BMPR2: variants seen among roughly 807,000 people sequenced by gnomAD.
BMPR2 encodes the protein bone morphogenetic protein receptor type-2.
BMPR2 carries 29 observed loss-of-function variants against 100.8 expected under a neutral mutation model. The ratio of observed to expected loss-of-function variants is 0.29; its 90% CI spans 0.21 to 0.39. BMPR2 has a LOEUF of 0.39. BMPR2 is among the 10% of genes least tolerant of loss of function. BMPR2 has a pLI of 1.00. For synonymous variants in BMPR2, 382 were observed against 442.3 expected, an observed-to-expected ratio of 0.86 and a Z score of 1.71; for missense variants, 1,011 against 1,274.5, an observed-to-expected ratio of 0.79 and a Z score of 3.15.
chr2:202,468,457 C>T (rs865918875), intron 3 of BMPR2, among the ~76,000 whole-genome samples: 1 of 152,102 alleles, frequency 6.6e-6, no homozygotes, highest in Non-Finnish European at 1.5e-5. Context: ...GGTGACACAG[C>T]GAGACTCTGT....
At chr2:202,463,991 C>G (rs1057002853) in intron 1 of BMPR2, among the ~76,000 whole-genome samples, 13 of 151,862 alleles carry the variant, frequency 8.6e-5, no homozygotes, top group African/African-American at 2.9e-4. Flanking sequence ...GAAACCCCAT[C>G]TCTACTAAAA....
intron 3 of BMPR2, chr2:202,474,707 G>C (rs1692506791): frequency 6.6e-6 from 1 of 152,172 alleles, no homozygotes; most frequent in African/African-American, 2.4e-5. Context: ...ATTTTTAATA[G>C]AGACGGGGTT....
chr2:202,527,477 A>G (rs945653763), intron 7 of BMPR2, among the ~76,000 whole-genome samples: 2 of 150,328 alleles, frequency 1.3e-5, no homozygotes, highest in African/African-American at 4.9e-5. Context: ...CGACGGAGCA[A>G]GACTCCATCT....
At chr2:202,539,223 C>T (rs149271645) in intron 9 of BMPR2, among the ~76,000 whole-genome samples, 1 of 152,090 alleles carries the variant, frequency 6.6e-6, no homozygotes, top group Non-Finnish European at 1.5e-5. Context: ...TAAAAAACCA[C>T]ACCAAGATTG....
At chr2:202,540,282 G>T (rs185075295) in intron 9 of BMPR2, among the ~76,000 whole-genome samples, 3 of 152,254 alleles carry the variant, frequency 2.0e-5, no homozygotes, top group Non-Finnish European at 4.4e-5. Flanking sequence ...TATGTGTTGT[G>T]TGTATGTCTC....
Position 202,551,540 on chromosome 2 carries a change from C to T in BMPR2, c.1414-1176C>T, listed in dbSNP as rs1361300950. On this transcript the variant is annotated intron_variant, in intron 10 of 12. Transcript: ENST00000374580. ...CTCTATCTCAAAACAAACAAACAAA[C>T]AAAAAACTAGCTTTCCCCCAAAGGG... 2.0e-5 allele frequency among the ~76,000 whole-genome samples: 3 copies of T among 149,242 alleles called. No individual in the cohort carries two copies. In the East Asian group the frequency reaches 5.8e-4, roughly 29 times the overall value.
intron 3 of BMPR2, among the ~76,000 whole-genome samples, chr2:202,479,185 G>T (rs1157434739): frequency 6.6e-6 from 1 of 152,164 alleles, no homozygotes; most frequent in Non-Finnish European, 1.5e-5. Context: ...CTCTTCTTTT[G>T]TGCTTGCTCT....
intron 1 of BMPR2, among the ~76,000 whole-genome samples, chr2:202,418,878 C>A (rs933849306): frequency 6.6e-6 from 1 of 152,198 alleles, no homozygotes; most frequent in Non-Finnish European, 1.5e-5. Context: ...GAAGGGGATT[C>A]TCTGCAGAAT....
rs1277667228 is a variant in BMPR2 at position 202,467,578 on chromosome 2, A to G, written c.307A>G (p.Thr103Ala). ...TCACTATGAAGAATGTGTAGTAACT[A>G]CCACTCCTCCCTCAATTCAGAATGG... ...ECHYEECVVT[T>A]TPPSIQNGTY... Residue 103 changes from threonine (T) to alanine (A), a missense_variant, in exon 3 of 13, where the codon ACC (threonine) becomes GCC (alanine). By Grantham distance (58) the Thr-to-Ala change is moderately conservative (BLOSUM62 0). Coordinates refer to ENST00000374580, the MANE Select transcript of BMPR2 (RefSeq NM_001204.7). 2.5e-6 allele frequency: 4 copies of G among 1,579,848 alleles called. No homozygotes were observed. The highest frequency in any genetic ancestry group is 1.3e-5 in the African/African-American group (1 of 74,158).
intron 3 of BMPR2, among the ~76,000 whole-genome samples, chr2:202,475,407 C>A (rs969277761): frequency 6.6e-6 from 1 of 151,636 alleles, no homozygotes; most frequent in African/African-American, 2.4e-5. Context: ...TACTATGTAC[C>A]CACAAAAATA....
intron 1 of BMPR2, among the ~76,000 whole-genome samples, chr2:202,453,865 A>C (rs1471695898): frequency 6.6e-6 from 1 of 152,184 alleles, no homozygotes; most frequent in African/African-American, 2.4e-5. Context: ...AAGGGGATGC[A>C]TATGCCATTT....
intron 1 of BMPR2, among the ~76,000 whole-genome samples, chr2:202,400,915 A>C (rs930361728): frequency 6.6e-6 from 1 of 152,208 alleles, no homozygotes; most frequent in Admixed American, 6.5e-5. Flanking sequence ...CTAATACTGA[A>C]TTCCGAACTC....
In BMPR2 at chr2:202,530,775, T is replaced by C; in HGVS notation, c.968-19T>C. The C allele has an allele frequency of 6.3e-7, 1 of 1,588,972 alleles. No homozygotes were observed. Among genetic ancestry groups the C allele is most frequent in the Non-Finnish European group, 8.6e-7 (1 of 1,159,534 alleles). ...AGTCCCTTTTATTCATTGATAAATA[T>C]TTGAAATTATCCAAACAGATCATTA... is the stretch of plus-strand genomic sequence containing the variant. On this transcript the variant is annotated intron_variant, in intron 7 of 12. Transcript: ENST00000374580.
intron 3 of BMPR2, among the ~76,000 whole-genome samples, chr2:202,488,179 T>C (rs1421428114): frequency 6.6e-6 from 1 of 152,230 alleles, no homozygotes. Flanking sequence ...ATTCTCTTTA[T>C]TATCCCTATC....
intron 7 of BMPR2, among the ~76,000 whole-genome samples, chr2:202,527,511 C>T (rs1177038274): frequency 7.1e-6 from 1 of 140,184 alleles, no homozygotes. Context: ...ATAGGCCGGG[C>T]GCGGTGGCTC....
At chr2:202,494,120 A>C (rs1490707519) in intron 3 of BMPR2, among the ~76,000 whole-genome samples, 1 of 152,252 alleles carries the variant, frequency 6.6e-6, no homozygotes, top group African/African-American at 2.4e-5. Flanking sequence ...TTTGTTCAAA[A>C]CATTGAGCTC....
chr2:202,521,906 A>G (rs781043793), intron 7 of BMPR2, among the ~76,000 whole-genome samples: 5 of 152,188 alleles, frequency 3.3e-5, no homozygotes, highest in Admixed American at 1.3e-4. Flanking sequence ...TGTAATCCCA[A>G]CACTTTGAAA....
intron 9 of BMPR2, among the ~76,000 whole-genome samples, chr2:202,535,087 AC>A (rs1176887021): frequency 1.1e-5 from 1 of 93,974 alleles, no homozygotes; most frequent in African/African-American, 4.3e-5. Flanking sequence ...CTGGGGGCTG[AC>A]CCCCCCACCT....
chr2:202,503,744 T>A lies in BMPR2; in HGVS notation c.419-9975T>A, dbSNP rs1687458193. Among the ~76,000 whole-genome samples, 2 of 152,246 alleles carry A rather than the reference T, an allele frequency of 1.3e-5. No individual in the cohort carries two copies. Among genetic ancestry groups the A allele is most frequent in the South Asian group, 4.1e-4 (2 of 4,826 alleles). ...CCAGTCCCATCAACCACCCAAGGGC[T>A]GAGGAGTGTGAGCGCACGGTGTGGG... On this transcript the variant is annotated intron_variant, in intron 3 of 12. Coordinates refer to ENST00000374580, the MANE Select transcript of BMPR2 (RefSeq NM_001204.7). This position sits in a 1 kb window ranked among gnomAD's most constrained non-coding sequence, Gnocchi z 4.0.
Sources: allele counts gnomAD v4.1 joint callset (sites outside exome capture counted in the v4.1 genomes callset), GRCh38; gene constraint gnomAD v4.1.1; non-coding constraint Gnocchi (gnomAD v3.1); transcripts MANE v1.5; gene names NCBI Gene and HGNC (gene_info 2026-07-23, HGNC 2026-07-21).